CACNG6: variants seen among roughly 807,000 people sequenced by gnomAD.
The protein encoded by CACNG6 is calcium voltage-gated channel auxiliary subunit gamma 6.
A neutral mutation model predicts 23.9 loss-of-function variants in CACNG6; 21 were observed. The observed-to-expected ratio is 0.88, with a 90% CI of 0.62 to 1.26. The LOEUF (loss-of-function observed/expected upper bound fraction) is 1.26, where lower values mean the gene tolerates loss of function less well. CACNG6 is among the 50% of genes most tolerant of loss of function. The pLI, the probability that CACNG6 is intolerant of heterozygous loss-of-function variation, is 0.00. For synonymous variants in CACNG6, 182 were observed against 168.9 expected, an observed-to-expected ratio of 1.08 and a Z score of -0.60; for missense variants, 340 against 352.9, an observed-to-expected ratio of 0.96 and a Z score of 0.29.
In CACNG6 at chr19:53,992,614, C is replaced by T; in HGVS notation, c.-264C>T. 1 of 309,146 alleles carries T rather than the reference C, an allele frequency of 3.2e-6. No homozygotes were observed. The highest frequency in any genetic ancestry group is 5.9e-6 in the Non-Finnish European group (1 of 169,334). The allele number at this position is 309,146 out of a possible 1,614,324, so 19.2% of individuals were successfully genotyped here. On this transcript the variant is annotated 5_prime_UTR_variant, in exon 1 of 4. Transcript: ENST00000252729. This position sits in a 1 kb window ranked among gnomAD's most constrained non-coding sequence, Gnocchi z 4.1. Reference sequence around the variant, plus strand: ...TTCCTCTGGGCCCCGTCTTCTTTGCCAAGTTCTTGAGGGCAACCTAGACCC... The same window carrying T: ...TTCCTCTGGGCCCCGTCTTCTTTGCTAAGTTCTTGAGGGCAACCTAGACCC...
At chr19:53,996,736 T>C (rs1022588398) in intron 1 of CACNG6, among the ~76,000 whole-genome samples, 8 of 152,190 alleles carry the variant, frequency 5.3e-5, no homozygotes, top group African/African-American at 1.9e-4. Context: ...CTTTTCCAGC[T>C]CATCTCTTTA....
chr19:54,002,796 G>A (rs2069594297), intron 3 of CACNG6, among the ~76,000 whole-genome samples: 1 of 152,184 alleles, frequency 6.6e-6, no homozygotes, highest in African/African-American at 2.4e-5. Context: ...TGTAATTACT[G>A]TGGTTAGATT....
upstream of CACNG6, among the ~76,000 whole-genome samples, chr19:53,991,396 C>G (rs1600048723): frequency 6.6e-6 from 1 of 151,834 alleles, no homozygotes; most frequent in Non-Finnish European, 1.5e-5. Flanking sequence ...AGCTGGGACT[C>G]TCGGCGCCGC....
chr19:54,003,007 A>C (rs1343040798), intron 3 of CACNG6, among the ~76,000 whole-genome samples: 1 of 152,242 alleles, frequency 6.6e-6, no homozygotes, highest in African/African-American at 2.4e-5. Context: ...GACATTAGTC[A>C]TACAAATCAA....
At chr19:54,005,658 C>G (rs1215950345) in intron 3 of CACNG6, among the ~76,000 whole-genome samples, 1 of 151,522 alleles carries the variant, frequency 6.6e-6, no homozygotes, top group Non-Finnish European at 1.5e-5. Flanking sequence ...GAGGCTGAGG[C>G]AGGGGAATCA....
intron 1 of CACNG6, among the ~76,000 whole-genome samples, chr19:53,993,707 A>G (rs997215521): frequency 6.9e-6 from 1 of 143,918 alleles, no homozygotes; most frequent in Non-Finnish European, 1.5e-5. Flanking sequence ...CCACCCCCAG[A>G]CTAACATGCA....
At chr19:54,005,210 A>AAAATAAATAAAT (rs369829612) in intron 3 of CACNG6, among the ~76,000 whole-genome samples, 9,115 of 132,704 alleles carry the variant, frequency 0.069, 398 homozygotes, top group South Asian at 0.095. Context: ...CTCCATCTCA[A>AAAATAAATAAAT]AAATAAATAA....
rs1321972837 is a variant in CACNG6, at chr19:53,998,328, C to T, written c.406+15C>T. On this transcript the variant is annotated intron_variant, in intron 2 of 3. Coordinates refer to ENST00000252729, the MANE Select transcript of CACNG6 (RefSeq NM_145814.2). ...CACAAAGAAAGGTGAGAACTTTTCA[C>T]CCCCTGCTGGGTGACAGGTGGGGGA... The T allele has an allele frequency of 4.3e-6, 7 of 1,611,284 alleles. No individual in the cohort carries two copies. The highest frequency in any genetic ancestry group is 1.7e-5 in the Admixed American group (1 of 59,940).
chr19:53,991,496 CA>C (rs2069457988), upstream of CACNG6, among the ~76,000 whole-genome samples: 1 of 151,968 alleles, frequency 6.6e-6, no homozygotes, highest in Admixed American at 6.6e-5. Flanking sequence ...CCCCTTAAAA[CA>C]CCCGGGATCC....
At chr19:53,999,536 C>T (rs560941444) in intron 2 of CACNG6, 98 bp from the exon 3 acceptor site, 29 of 1,412,584 alleles carry the variant, frequency 2.1e-5, no homozygotes, top group Non-Finnish European at 2.6e-5. Context: ...TCTCTCGTCC[C>T]GAATCTTACA....
chr19:53,998,138 G>A (rs947826124), intron 1 of CACNG6, 101 bp from the exon 2 acceptor site: 1 of 982,044 alleles, frequency 1.0e-6, no homozygotes, highest in African/African-American at 1.6e-5. Context: ...GGATGCTGAT[G>A]TCCAAGTTTT....
Position 54,012,333 on chromosome 19 carries a change from TCC to T in CACNG6, c.*147_*148del. On this transcript the variant is annotated 3_prime_UTR_variant, in exon 4 of 4. Coordinates refer to ENST00000252729, the MANE Select transcript of CACNG6 (RefSeq NM_145814.2). Reference sequence around the variant, plus strand: ...TGTTTTTTTACACGCCTGCCTCCTGTCCCCTTATCCTTTCTCCCTCTGTAAAT... The same window carrying T: ...TGTTTTTTTACACGCCTGCCTCCTGTCCTTATCCTTTCTCCCTCTGTAAAT... 1 of 468,364 alleles carries T rather than the reference TCC, an allele frequency of 2.1e-6. No individual in the cohort carries two copies. The highest frequency in any genetic ancestry group is 3.2e-5 in the East Asian group (1 of 31,656). The allele number at this position is 468,364 out of a possible 1,614,324, so 29.0% of individuals were successfully genotyped here.
chr19:53,993,712 C>T (rs1329668591), intron 1 of CACNG6, among the ~76,000 whole-genome samples: 1 of 148,032 alleles, frequency 6.8e-6, no homozygotes, highest in African/African-American at 2.5e-5. Context: ...CCCAGACTAA[C>T]ATGCACCCCT....
intron 3 of CACNG6, among the ~76,000 whole-genome samples, chr19:54,004,345 G>A (rs1360060787): frequency 1.9e-5 from 1 of 52,420 alleles, no homozygotes; most frequent in East Asian, 7.2e-4. Context: ...TTGTGTGTGT[G>A]TGTGTGTGTG....
At chr19:54,010,748 A>T (rs2556363) in intron 3 of CACNG6, among the ~76,000 whole-genome samples, 48,878 of 150,512 alleles carry the variant, frequency 0.32, 8,152 homozygotes, top group East Asian at 0.49. Flanking sequence ...CTAATTTTTT[A>T]AAATTTTTTT....
chr19:53,995,794 T>G (rs2069514932), intron 1 of CACNG6, among the ~76,000 whole-genome samples: 1 of 152,228 alleles, frequency 6.6e-6, no homozygotes, highest in Non-Finnish European at 1.5e-5. Flanking sequence ...CCCAAGTAGC[T>G]GGGATTACAG....
rs142489178 is a variant in CACNG6 at position 54,011,190 on chromosome 19, T to TAAAAAAAAAA, written c.545-754_545-745dup. 7.9e-4 allele frequency among the ~76,000 whole-genome samples: 47 copies of TAAAAAAAAAA among 59,210 alleles called. 6 individuals are homozygous for TAAAAAAAAAA. The highest frequency in any genetic ancestry group is 3.8e-3 in the African/African-American group (40 of 10,458). 38.8% of individuals were successfully genotyped at this position (59,210 alleles called of 152,430 possible). A position where few individuals can be genotyped will look rare whatever the true frequency, so the allele number is the denominator to read the frequency against. ...CAACATGGTGAAACCCCGTCTCTACTAAAAAAAAAAAAAAAATATATATAT... is the reference window on the plus strand; with the variant it reads ...CAACATGGTGAAACCCCGTCTCTACTAAAAAAAAAAAAAAAAAAAAAAAAAATATATATAT... On this transcript the variant is annotated intron_variant, in intron 3 of 3. Transcript: ENST00000252729.
In CACNG6 at chr19:53,998,299, G is replaced by T. The variant is rs1450779483; in HGVS notation, c.392G>T (p.Arg131Ile). 2 of 1,613,944 alleles carry T rather than the reference G, an allele frequency of 1.2e-6. No homozygotes were observed. The highest frequency in any genetic ancestry group is 1.7e-6 in the Non-Finnish European group (2 of 1,179,920). The change falls in exon 2 of 4, where the codon AGA becomes ATA. Residue 131 changes from arginine (R) to isoleucine (I), a missense_variant. Coordinates refer to ENST00000252729, the MANE Select transcript of CACNG6 (RefSeq NM_145814.2). ...TTGENARIFQ[R>I]TTKKEVNLAA... ...GGGGAGAATGCACGCATCTTTCAGA[G>T]AACCACAAAGAAAGGTGAGAACTTT...
chr19:53,999,529 C>G, intron 2 of CACNG6, 105 bp from the exon 3 acceptor site: 1 of 1,344,198 alleles, frequency 7.4e-7, no homozygotes, highest in East Asian at 2.3e-5. Flanking sequence ...AAATTCTTCT[C>G]TCGTCCCGAA....
Sources: gnomAD v4.1 joint callset for allele counts (sites outside exome capture counted in the v4.1 genomes callset) on GRCh38, gnomAD v4.1.1 for gene constraint, Gnocchi (gnomAD v3.1) non-coding constraint, MANE v1.5 for transcripts, NCBI Gene and HGNC (gene_info 2026-07-23, HGNC 2026-07-21) for gene names.